Variants in RANBP17 observed in about 807,000 individuals in gnomAD.
RANBP17 encodes the protein ran-binding protein 17.
In RANBP17, 158 loss-of-function variants were observed where a neutral mutation model predicts 141.2. The ratio of observed to expected loss-of-function variants is 1.12; its 90% CI spans 0.98 to 1.28. The LOEUF is 1.28. Among genes scored for constraint, RANBP17 ranks in the 50% most tolerant of loss-of-function variants. RANBP17 has a pLI of 0.00. For missense variants in RANBP17, 1,438 were observed against 1,290.7 expected (o/e 1.11, Z -1.75); for synonymous variants, 430 against 450.0 (o/e 0.96, Z 0.56).
intron 14 of RANBP17, among the ~76,000 whole-genome samples, chr5:171,089,783 TCC>T (rs1786077915): frequency 1.3e-5 from 2 of 152,196 alleles, no homozygotes; most frequent in South Asian, 2.1e-4. Flanking sequence ...CCCTTGCACT[TCC>T]CAGGTGAGGC....
intron 24 of RANBP17, among the ~76,000 whole-genome samples, chr5:171,243,324 G>T (rs935805184): frequency 2.0e-5 from 3 of 152,116 alleles, no homozygotes; most frequent in African/African-American, 7.2e-5. Context: ...TAGTGACTTT[G>T]AGATTCATTC....
chr5:171,299,952 G>A lies in RANBP17; in HGVS notation c.*1094G>A. The A allele has an allele frequency of 5.1e-6, 1 of 195,520 alleles. No individual in the cohort carries two copies. The highest frequency in any genetic ancestry group is 8.0e-5 in the East Asian group (1 of 12,470). The allele number at this position is 195,520 out of a possible 1,614,324, so 12.1% of individuals were successfully genotyped here. On this transcript the variant is annotated 3_prime_UTR_variant, in exon 28 of 28. Coordinates refer to ENST00000523189, the MANE Select transcript of RANBP17 (RefSeq NM_022897.5). ...ATATTGTATCCTTTATTTCTGATAA[G>A]ACATGAAAGGTTGGCCTTACTGTTG...
chr5:170,927,542 C>A (rs578073917), intron 12 of RANBP17, among the ~76,000 whole-genome samples: 1 of 152,000 alleles, frequency 6.6e-6, no homozygotes, highest in East Asian at 1.9e-4. Context: ...AATTCATTTC[C>A]TTTGCCATTT....
At position 171,247,738 on chromosome 5, in the gene RANBP17, T is replaced by G. The variant is rs764814088; in HGVS notation, c.2776+4918T>G. The stretch of plus-strand genomic sequence containing the variant: ...TCTGAACTCCTTCATTCAGTAATTA[T>G]CAGTTGTGCATATACTATGTACCAA... On this transcript the variant is annotated intron_variant, in intron 24 of 27. Transcript: ENST00000523189. Among the ~76,000 whole-genome samples, 181 of 152,290 alleles carry G rather than the reference T, an allele frequency of 1.2e-3. 2 individuals carry two copies. Among genetic ancestry groups the G allele is most frequent in the South Asian group, 1.4e-3 (7 of 4,830 alleles).
intron 14 of RANBP17, among the ~76,000 whole-genome samples, chr5:171,008,940 C>T (rs879370615): frequency 5.3e-5 from 8 of 152,156 alleles, no homozygotes; most frequent in Admixed American, 2.0e-4. Context: ...ATAGATGCTT[C>T]CCAATTTTCT....
At chr5:170,910,919 A>G (rs376930376) in intron 6 of RANBP17, 50 bp from the exon 7 acceptor site, 1 of 1,543,532 alleles carries the variant, frequency 6.5e-7, no homozygotes, top group South Asian at 1.2e-5. Flanking sequence ...TGAAGTGTAA[A>G]TTTATTGATG....
intron 25 of RANBP17, among the ~76,000 whole-genome samples, chr5:171,281,331 C>T (rs1767848405): frequency 6.6e-6 from 1 of 152,082 alleles, no homozygotes; most frequent in African/African-American, 2.4e-5. Context: ...GAAAGAAAAC[C>T]CTAAAAAAGA....
chr5:170,969,981 G>A (rs754644593), intron 14 of RANBP17, among the ~76,000 whole-genome samples: 2 of 151,670 alleles, frequency 1.3e-5, no homozygotes, highest in East Asian at 1.9e-4. Flanking sequence ...CTACTTTTTG[G>A]TTTCTCTGAC....
chr5:171,089,978 G>T (rs1158645130), intron 14 of RANBP17, among the ~76,000 whole-genome samples: 3 of 152,174 alleles, frequency 2.0e-5, no homozygotes, highest in African/African-American at 7.2e-5. Context: ...CATCTTCGTG[G>T]TTATGTCTTT....
intron 14 of RANBP17, among the ~76,000 whole-genome samples, chr5:171,159,086 T>C (rs1469308132): frequency 6.6e-6 from 1 of 152,228 alleles, no homozygotes; most frequent in African/African-American, 2.4e-5. Context: ...CTCAACAATG[T>C]TCTGTTTAAT....
chr5:171,213,803 C>G, intron 21 of RANBP17, 65 bp downstream of exon 21: 1 of 1,243,408 alleles, frequency 8.0e-7, no homozygotes, highest in Non-Finnish European at 1.2e-6. Context: ...AACAGTCAGA[C>G]TTTCTTTTTT....
chr5:171,112,851 T>TA (rs376681405), intron 14 of RANBP17, among the ~76,000 whole-genome samples: 1 of 151,816 alleles, frequency 6.6e-6, no homozygotes, highest in Non-Finnish European at 1.5e-5. Flanking sequence ...CAAAGCTCTA[T>TA]AAAAAAATTT....
intron 14 of RANBP17, among the ~76,000 whole-genome samples, chr5:171,089,844 C>T (rs967960530): frequency 6.6e-6 from 1 of 152,236 alleles, no homozygotes; most frequent in South Asian, 2.1e-4. Flanking sequence ...ACCCACTGGC[C>T]TGCGCCCACT....
At chr5:170,882,506 T>C (rs1768795988) in intron 3 of RANBP17, among the ~76,000 whole-genome samples, 1 of 152,130 alleles carries the variant, frequency 6.6e-6, no homozygotes, top group South Asian at 2.1e-4. Context: ...AATGAGGAAG[T>C]TAGATTTGCA....
intron 8 of RANBP17, among the ~76,000 whole-genome samples, chr5:170,914,455 G>C (rs1771783495): frequency 6.6e-6 from 1 of 152,116 alleles, no homozygotes. Flanking sequence ...CCTAGAACCA[G>C]TAACTGTTGA....
At chr5:171,028,937 A>G (rs967690088) in intron 14 of RANBP17, 1 of 1,288,722 alleles carries the variant, frequency 7.8e-7, no homozygotes, top group South Asian at 1.2e-5. Flanking sequence ...TTCTTCCTTG[A>G]GAACGATCTG....
At chr5:171,271,019 T>A (rs1266779524) in intron 25 of RANBP17, 6 of 163,538 alleles carry the variant, frequency 3.7e-5, no homozygotes, top group Non-Finnish European at 7.7e-5. Flanking sequence ...GAAATTCTAA[T>A]TGTGATTTTC....
intron 22 of RANBP17, among the ~76,000 whole-genome samples, chr5:171,227,404 C>A (rs1015059328): frequency 2.0e-5 from 3 of 152,212 alleles, no homozygotes; most frequent in Admixed American, 6.5e-5. Context: ...CAGAGCAAGG[C>A]TCTAACTCTC....
chr5:171,267,280 A>G (rs1766783923), intron 25 of RANBP17, among the ~76,000 whole-genome samples: 1 of 151,224 alleles, frequency 6.6e-6, no homozygotes, highest in African/African-American at 2.4e-5. Flanking sequence ...CTGAGCACAA[A>G]CAGTCCTCCC....
Sources: allele counts gnomAD v4.1 joint callset (sites outside exome capture counted in the v4.1 genomes callset), GRCh38; gene constraint gnomAD v4.1.1; transcripts MANE v1.5; gene names NCBI Gene and HGNC (gene_info 2026-07-23, HGNC 2026-07-21).